RP2: variants seen among roughly 807,000 people sequenced by gnomAD.
The protein encoded by RP2 is protein XRP2.
RP2 carries 3 observed loss-of-function variants against 20.3 expected under a neutral mutation model. That is an observed-to-expected ratio of 0.15 (90% CI 0.07 to 0.38). The LOEUF is 0.38. Among genes scored for constraint, RP2 ranks in the 10% least tolerant of loss-of-function variants. The probability of loss-of-function intolerance (pLI) is 1.00; values close to 1 mark genes in which losing one functional copy is unlikely to be tolerated. For missense variants in RP2, 233 were observed against 268.5 expected, an observed-to-expected ratio of 0.87 and a Z score of 0.92; for synonymous variants, 75 against 94.8, an observed-to-expected ratio of 0.79 and a Z score of 1.22.
chrX:46,844,344 A>G (rs1287167872), intron 1 of RP2, among the ~76,000 whole-genome samples: 4 of 61,960 alleles, frequency 6.5e-5, no homozygotes, highest in African/African-American at 2.6e-4. Flanking sequence ...CAACCCCACG[A>G]CAGGCCCCGG....
At chrX:46,853,299 ATAT>A (rs1231013163) in intron 1 of RP2, among the ~76,000 whole-genome samples, 174 bp from the exon 2 acceptor site, 1 of 111,670 alleles carries the variant, frequency 9.0e-6, no homozygotes, top group African/African-American at 3.3e-5. Flanking sequence ...CATAGGTTTT[ATAT>A]TATTATTGAG....
Position 46,851,088 on chromosome X carries a change from AT to A in RP2, c.103-2385del, listed in dbSNP as rs200182717. ...TATCTATTGTGCAATTACTAAGTCAATTTAAGCTCATTTGCTAATCATTAAG... is the reference window on the plus strand; with the variant it reads ...TATCTATTGTGCAATTACTAAGTCAATTAAGCTCATTTGCTAATCATTAAG... On this transcript the variant is annotated intron_variant, in intron 1 of 4. Coordinates refer to ENST00000218340, the MANE Select transcript of RP2 (RefSeq NM_006915.3). Among the ~76,000 whole-genome samples the A allele has an allele frequency of 8.2e-3, 917 of 111,966 alleles. 11 individuals carry two copies. Among genetic ancestry groups the A allele is most frequent in the African/African-American group, 0.028 (871 of 30,867 alleles).
At chrX:46,848,834 G>T (rs1924806364) in intron 1 of RP2, among the ~76,000 whole-genome samples, 1 of 108,146 alleles carries the variant, frequency 9.2e-6, no homozygotes, top group Non-Finnish European at 1.9e-5. Flanking sequence ...TTCGAGACCA[G>T]CCTGGACAAC....
At chrX:46,871,171 G>A (rs924180261) in intron 3 of RP2, among the ~76,000 whole-genome samples, 3 of 107,900 alleles carry the variant, frequency 2.8e-5, no homozygotes, top group South Asian at 4.2e-4. Flanking sequence ...ACAGGTGCCC[G>A]CCACCACGCC....
chrX:46,866,753 C>T (rs1001960502), intron 3 of RP2, among the ~76,000 whole-genome samples: 2 of 111,961 alleles, frequency 1.8e-5, no homozygotes, highest in African/African-American at 6.5e-5. Flanking sequence ...AAGCTTCATT[C>T]CATCCTTGGA....
In RP2 at chrX:46,880,537, A is replaced by G. The variant is rs1383126600; in HGVS notation, c.*768A>G. ...ATGCTAAAACTGTAGAAGCCCAATC[A>G]CCAGCAGTTTTTAAAAAGGTGATAA... On this transcript the variant is annotated 3_prime_UTR_variant, in exon 5 of 5. Coordinates refer to ENST00000218340, the MANE Select transcript of RP2 (RefSeq NM_006915.3). 2 of 111,866 alleles carry G rather than the reference A, an allele frequency of 1.8e-5. No individual in the cohort carries two copies. The highest frequency in any genetic ancestry group is 6.5e-5 in the African/African-American group (2 of 30,865). 9.2% of individuals were successfully genotyped at this position (111,866 alleles called of 1,213,427 possible). A position where few individuals can be genotyped will look rare whatever the true frequency, so the allele number is the denominator to read the frequency against.
At chrX:46,868,993 G>T (rs1925233577) in intron 3 of RP2, among the ~76,000 whole-genome samples, 1 of 110,175 alleles carries the variant, frequency 9.1e-6, no homozygotes, top group South Asian at 3.9e-4. Context: ...CAGCTACTTG[G>T]GAGACTGAGG....
intron 3 of RP2, 136 bp from the exon 4 acceptor site, chrX:46,877,369 C>T: frequency 2.0e-6 from 1 of 502,207 alleles, no homozygotes; most frequent in Non-Finnish European, 3.5e-6. Context: ...TGATATGTCC[C>T]ATCTGTCTGC....
At chrX:46,846,270 A>G (rs1427666221) in intron 1 of RP2, among the ~76,000 whole-genome samples, 10 of 111,534 alleles carry the variant, frequency 9.0e-5, no homozygotes, top group African/African-American at 3.3e-4. Context: ...GGGATTGCTG[A>G]TCATATGGAA....
chrX:46,845,406 AC>A (rs1924699754), intron 1 of RP2, among the ~76,000 whole-genome samples: 1 of 112,328 alleles, frequency 8.9e-6, no homozygotes, highest in African/African-American at 3.2e-5. Context: ...CCTGAAGCTG[AC>A]TTAACAATGT....
intron 3 of RP2, among the ~76,000 whole-genome samples, chrX:46,868,843 C>T (rs1034403848): frequency 1.0e-4 from 11 of 109,329 alleles, no homozygotes; most frequent in Non-Finnish European, 1.9e-4. Context: ...TGCCTGTAGT[C>T]CCAGCACTTA....
chrX:46,840,815 C>T (rs2147075995), intron 1 of RP2, among the ~76,000 whole-genome samples: 1 of 112,449 alleles, frequency 8.9e-6, no homozygotes, highest in Non-Finnish European at 1.9e-5. Flanking sequence ...TGAGGATTAA[C>T]TCTAAACAAT....
At chrX:46,867,716 CT>C (rs1362618472) in intron 3 of RP2, among the ~76,000 whole-genome samples, 2 of 109,629 alleles carry the variant, frequency 1.8e-5, no homozygotes, top group Non-Finnish European at 3.8e-5. Context: ...ATGAGATCCA[CT>C]TTTTTTAGCC....
chrX:46,852,829 C>T (rs188753737), intron 1 of RP2, among the ~76,000 whole-genome samples: 2 of 111,253 alleles, frequency 1.8e-5, no homozygotes, highest in African/African-American at 3.3e-5. Flanking sequence ...CTGATCCTCC[C>T]ACCTCGGCCT....
rs1925438894 is a variant in RP2, at chrX:46,879,695, T to A, written c.979T>A (p.Ser327Thr). 2.5e-6 allele frequency: 3 copies of A among 1,187,089 alleles called. No homozygotes were observed. The highest frequency in any genetic ancestry group is 2.2e-5 in the Admixed American group (1 of 45,322). Residue 327 changes from serine to threonine, a missense_variant, in exon 5 of 5, where the codon TCT (serine) becomes ACT (threonine). Physicochemically the swap from Ser to Thr is moderately conservative, Grantham distance 58. Coordinates refer to ENST00000218340, the MANE Select transcript of RP2 (RefSeq NM_006915.3). The part of the protein sequence containing the change: ...EIFNGTKMFV[S>T]ESKETASGDV... ...TTTCTATTTAAAATAGATGTTTGTATCTGAAAGCAAGGAGACGGCATCTGG... is the reference window on the plus strand; with the variant it reads ...TTTCTATTTAAAATAGATGTTTGTAACTGAAAGCAAGGAGACGGCATCTGG...
At chrX:46,845,352 G>A (rs917098872) in intron 1 of RP2, among the ~76,000 whole-genome samples, 19 of 112,294 alleles carry the variant, frequency 1.7e-4, no homozygotes, top group Non-Finnish European at 7.5e-5. Context: ...TGGCACTAAT[G>A]TTTTCATTTG....
intron 2 of RP2, among the ~76,000 whole-genome samples, chrX:46,856,302 T>G (rs1339895601): frequency 1.8e-5 from 2 of 111,724 alleles, no homozygotes; most frequent in Non-Finnish European, 3.8e-5. Context: ...CTTTTAACCT[T>G]TGGTATCTGG....
intron 1 of RP2, among the ~76,000 whole-genome samples, chrX:46,851,108 C>A (rs1322351289): frequency 2.7e-5 from 3 of 111,783 alleles, no homozygotes; most frequent in African/African-American, 9.7e-5. Flanking sequence ...ATTTGCTAAT[C>A]ATTAAGATGA....
intron 3 of RP2, among the ~76,000 whole-genome samples, chrX:46,866,088 C>A (rs1925167732): frequency 9.0e-6 from 1 of 111,601 alleles, no homozygotes; most frequent in Non-Finnish European, 1.9e-5. Flanking sequence ...CTTTGACATG[C>A]CCCATCCTTT....
Sources: gnomAD v4.1 joint callset for allele counts (sites outside exome capture counted in the v4.1 genomes callset) on GRCh38, gnomAD v4.1.1 for gene constraint, MANE v1.5 for transcripts, NCBI Gene and HGNC (gene_info 2026-07-23, HGNC 2026-07-21) for gene names.